ADAMTSL1: variants seen among roughly 807,000 people sequenced by gnomAD.
ADAMTSL1 encodes the protein ADAMTS like 1, also known as ADAMTS-like protein 1.
In ADAMTSL1, 126 loss-of-function variants were observed where a neutral mutation model predicts 201.8. That is an observed-to-expected ratio of 0.62 (90% confidence interval 0.54 to 0.72). The LOEUF is 0.72. ADAMTSL1 is among the 30% of genes least tolerant of loss of function. The pLI, the probability that ADAMTSL1 is intolerant of heterozygous loss-of-function variation, is 0.00. For missense variants in ADAMTSL1, 2,679 were observed against 2,277.8 expected, an observed-to-expected ratio of 1.18 and a Z score of -3.59; for synonymous variants, 1,121 against 903.4, an observed-to-expected ratio of 1.24 and a Z score of -4.32.
intron 20 of ADAMTSL1, among the ~76,000 whole-genome samples, chr9:18,802,663 T>C (rs549796146): frequency 6.6e-6 from 1 of 152,246 alleles, no homozygotes; most frequent in East Asian, 1.9e-4. Flanking sequence ...AAAGCTGCTA[T>C]GAAGATTCAC....
At chr9:17,997,820 G>A (rs900069484) in intron 1 of ADAMTSL1, among the ~76,000 whole-genome samples, 1 of 151,924 alleles carries the variant, frequency 6.6e-6, no homozygotes, top group Admixed American at 6.6e-5. Flanking sequence ...AAAAATTTGG[G>A]GAAAAAAATC....
chr9:18,032,333 A>G (rs1820995873), intron 1 of ADAMTSL1, among the ~76,000 whole-genome samples: 2 of 152,268 alleles, frequency 1.3e-5, no homozygotes, highest in South Asian at 2.1e-4. Flanking sequence ...CGAATCCTAG[A>G]AAGTTGGGAC....
chr9:18,535,573 C>G (rs1035566489), intron 3 of ADAMTSL1, among the ~76,000 whole-genome samples: 1 of 152,170 alleles, frequency 6.6e-6, no homozygotes, highest in African/African-American at 2.4e-5. Flanking sequence ...GCACCCCACT[C>G]CTGATACCAT....
At chr9:17,982,085 A>G (rs1818729603) in intron 1 of ADAMTSL1, among the ~76,000 whole-genome samples, 2 of 152,190 alleles carry the variant, frequency 1.3e-5, no homozygotes, top group South Asian at 2.1e-4. Flanking sequence ...CATTTTCCAT[A>G]TGGATAGTTC....
intron 1 of ADAMTSL1, among the ~76,000 whole-genome samples, chr9:17,959,987 G>T (rs1170027658): frequency 6.6e-6 from 1 of 152,116 alleles, no homozygotes; most frequent in Non-Finnish European, 1.5e-5. Context: ...AATTTCAGAT[G>T]GGACAGAGAA....
intron 16 of ADAMTSL1, among the ~76,000 whole-genome samples, chr9:18,769,525 C>G (rs1293392768): frequency 6.6e-6 from 1 of 152,226 alleles, no homozygotes; most frequent in African/African-American, 2.4e-5. Flanking sequence ...GTCTTCCTCT[C>G]TCACATAAAC....
At chr9:18,189,660 T>C (rs989782173) in intron 2 of ADAMTSL1, among the ~76,000 whole-genome samples, 7 of 152,138 alleles carry the variant, frequency 4.6e-5, no homozygotes, top group African/African-American at 1.2e-4. Context: ...TGCAACTGTA[T>C]AGGGTAAAAG....
At chr9:18,180,516 G>A (rs1475654244) in intron 2 of ADAMTSL1, among the ~76,000 whole-genome samples, 1 of 127,450 alleles carries the variant, frequency 7.8e-6, no homozygotes, top group East Asian at 2.4e-4. Context: ...CTGGGTGACA[G>A]AGCGAGACTC....
At chr9:18,371,700 A>G (rs1837049619) in intron 2 of ADAMTSL1, among the ~76,000 whole-genome samples, 1 of 152,342 alleles carries the variant, frequency 6.6e-6, no homozygotes, top group Non-Finnish European at 1.5e-5. Context: ...TTTATGATGA[A>G]TTTTGGAAAA....
chr9:18,840,989 C>T (rs989041929), intron 23 of ADAMTSL1, among the ~76,000 whole-genome samples: 6 of 147,262 alleles, frequency 4.1e-5, no homozygotes, highest in Admixed American at 1.4e-4. Context: ...CAAACAGGGA[C>T]AATTTGACTT....
intron 2 of ADAMTSL1, among the ~76,000 whole-genome samples, chr9:18,194,360 T>C (rs1829089171): frequency 6.6e-6 from 1 of 152,042 alleles, no homozygotes; most frequent in Non-Finnish European, 1.5e-5. Context: ...ACATGATTAT[T>C]ATAGCAGAAA....
intron 1 of ADAMTSL1, among the ~76,000 whole-genome samples, chr9:18,496,565 T>G (rs1260219961): frequency 6.6e-6 from 1 of 152,234 alleles, no homozygotes; most frequent in African/African-American, 2.4e-5. Context: ...CTGACTTGTT[T>G]GAGAGTGACA....
chr9:18,634,918 A>G (rs1827015965), intron 5 of ADAMTSL1, among the ~76,000 whole-genome samples: 1 of 110,504 alleles, frequency 9.0e-6, no homozygotes, highest in African/African-American at 3.1e-5. Flanking sequence ...TAATATATAT[A>G]TATTAAATAA....
At chr9:18,186,766 G>A (rs1046558023) in intron 2 of ADAMTSL1, among the ~76,000 whole-genome samples, 2 of 151,816 alleles carry the variant, frequency 1.3e-5, no homozygotes, top group South Asian at 2.1e-4. Context: ...GATCTTCTTG[G>A]TCATTGGTCA....
intron 21 of ADAMTSL1, among the ~76,000 whole-genome samples, chr9:18,823,004 C>A (rs1588168710): frequency 6.6e-6 from 1 of 152,170 alleles, no homozygotes; most frequent in Non-Finnish European, 1.5e-5. Flanking sequence ...TTATTGTTTT[C>A]TATTTCCTCA....
At chr9:18,307,095 A>G in intron 2 of ADAMTSL1, among the ~76,000 whole-genome samples, 1 of 152,180 alleles carries the variant, frequency 6.6e-6, no homozygotes. Context: ...AGCCAAACTA[A>G]GCTTCATAAG....
intron 2 of ADAMTSL1, among the ~76,000 whole-genome samples, chr9:18,392,981 T>C (rs1044907801): frequency 1.3e-5 from 2 of 152,192 alleles, no homozygotes; most frequent in Non-Finnish European, 2.9e-5. Flanking sequence ...TTCAGGATGA[T>C]AATTACTGAA....
At chr9:17,920,975 C>A (rs143644002) in intron 1 of ADAMTSL1, among the ~76,000 whole-genome samples, 75 of 152,304 alleles carry the variant, frequency 4.9e-4, no homozygotes, top group African/African-American at 1.7e-3. Flanking sequence ...TTAAATTCAC[C>A]ATGCTAGGTT....
intron 7 of ADAMTSL1, among the ~76,000 whole-genome samples, chr9:18,655,612 A>G (rs1828584766): frequency 6.6e-6 from 1 of 152,076 alleles, no homozygotes; most frequent in Non-Finnish European, 1.5e-5. Context: ...TTCCAAAAAG[A>G]ACATCTGCAA....
Sources: gnomAD v4.1 joint callset for allele counts (sites outside exome capture counted in the v4.1 genomes callset) on GRCh38, gnomAD v4.1.1 for gene constraint, MANE v1.5 for transcripts, NCBI Gene and HGNC (gene_info 2026-07-23, HGNC 2026-07-21) for gene names.